MMP26: variants seen among roughly 807,000 people sequenced by gnomAD.
MMP26 encodes the protein matrix metallopeptidase 26, also known as matrix metalloproteinase-26.
MMP26 carries 33 observed loss-of-function variants against 31.0 expected under a neutral mutation model. The ratio of observed to expected loss-of-function variants is 1.06; its 90% CI spans 0.81 to 1.42. The LOEUF is 1.42. MMP26 is among the 40% of genes most tolerant of loss of function. The probability of loss-of-function intolerance (pLI) is 0.00; values close to 1 mark genes in which losing one functional copy is unlikely to be tolerated. For synonymous variants in MMP26, 122 were observed against 114.9 expected (o/e 1.06, Z -0.40); for missense variants, 347 against 316.1 (o/e 1.10, Z -0.74).
intron 2 of MMP26, among the ~76,000 whole-genome samples, chr11:4,970,824 A>T (rs981056650): frequency 1.3e-5 from 2 of 152,120 alleles, no homozygotes; most frequent in African/African-American, 4.8e-5. Flanking sequence ...AGTGGTGGTG[A>T]TATCAGCAAA....
At chr11:4,882,322 G>A in intron 2 of MMP26, 1 of 1,613,940 alleles carries the variant, frequency 6.2e-7, no homozygotes, top group Non-Finnish European at 8.5e-7. Flanking sequence ...TCACAGACAG[G>A]ATGGTCCTGG....
intron 2 of MMP26, among the ~76,000 whole-genome samples, chr11:4,883,092 T>C (rs1209766256): frequency 6.6e-6 from 1 of 152,168 alleles, no homozygotes; most frequent in Non-Finnish European, 1.5e-5. Flanking sequence ...CATATGTCCC[T>C]GAACCATTTT....
chr11:4,810,163 G>C (rs896597525), intron 2 of MMP26, among the ~76,000 whole-genome samples: 1 of 152,120 alleles, frequency 6.6e-6, no homozygotes, highest in African/African-American at 2.4e-5. Context: ...AGGAAGGCAG[G>C]GGATTTGAAT....
intron 2 of MMP26, chr11:4,848,309 A>G (rs1359579560): frequency 6.2e-7 from 1 of 1,614,016 alleles, no homozygotes; most frequent in Admixed American, 1.7e-5. Context: ...TCATCTTGAC[A>G]CTATAGAGAA....
chr11:4,983,076 T>C (rs1474235310), intron 2 of MMP26, among the ~76,000 whole-genome samples: 1 of 152,222 alleles, frequency 6.6e-6, no homozygotes, highest in East Asian at 1.9e-4. Flanking sequence ...AGGCTTTGTG[T>C]CTTAATAGCC....
chr11:4,973,751 C>T, intron 2 of MMP26: 1 of 162,660 alleles, frequency 6.1e-6, no homozygotes. Flanking sequence ...CAGAATGGTA[C>T]AATTCCCTAG....
chr11:4,981,490 C>T (rs1349023855), intron 2 of MMP26, among the ~76,000 whole-genome samples: 1 of 152,012 alleles, frequency 6.6e-6, no homozygotes. Flanking sequence ...AAAAACACAA[C>T]ATAAAAGATT....
chr11:4,894,105 A>T (rs1394686348), intron 2 of MMP26, among the ~76,000 whole-genome samples: 1 of 152,172 alleles, frequency 6.6e-6, no homozygotes, highest in African/African-American at 2.4e-5. Context: ...TTTACCCCCA[A>T]ATGCTAAGGT....
chr11:4,788,256 C>T (rs749244587), intron 2 of MMP26, among the ~76,000 whole-genome samples: 4 of 151,940 alleles, frequency 2.6e-5, no homozygotes, highest in Non-Finnish European at 5.9e-5. Context: ...CTGGGTATAA[C>T]AGACTCTTAG....
chr11:4,936,669 T>C (rs1316523536), intron 2 of MMP26, among the ~76,000 whole-genome samples: 1 of 152,132 alleles, frequency 6.6e-6, no homozygotes, highest in African/African-American at 2.4e-5. Flanking sequence ...AAAATATAAA[T>C]GCAGAAAAGG....
At chr11:4,871,025 G>A (rs1336575270) in intron 2 of MMP26, among the ~76,000 whole-genome samples, 1 of 152,000 alleles carries the variant, frequency 6.6e-6, no homozygotes, top group Non-Finnish European at 1.5e-5. Context: ...ATAATAAAGA[G>A]TATAAATTAA....
chr11:4,965,735 T>A (rs1210241767), intron 2 of MMP26, among the ~76,000 whole-genome samples: 3 of 152,158 alleles, frequency 2.0e-5, no homozygotes, highest in Non-Finnish European at 4.4e-5. Flanking sequence ...TCCGTAAGTT[T>A]TATTGGTTAA....
chr11:4,813,502 C>T (rs966687620), intron 2 of MMP26, among the ~76,000 whole-genome samples: 1 of 152,062 alleles, frequency 6.6e-6, no homozygotes, highest in African/African-American at 2.4e-5. Context: ...GCTAGGATTA[C>T]AGGCAGGAGC....
chr11:4,705,451 A>G (rs1847762770), intron 1 of MMP26, among the ~76,000 whole-genome samples: 1 of 152,148 alleles, frequency 6.6e-6, no homozygotes, highest in Non-Finnish European at 1.5e-5. Flanking sequence ...GGGAGTTATT[A>G]ATACCCAATA....
chr11:4,836,276 T>C (rs1260646511), intron 2 of MMP26, among the ~76,000 whole-genome samples: 2 of 151,994 alleles, frequency 1.3e-5, no homozygotes, highest in South Asian at 2.1e-4. Flanking sequence ...TGCATACACC[T>C]ACACAACCTA....
At chr11:4,898,603 A>C (rs1042051541) in intron 2 of MMP26, among the ~76,000 whole-genome samples, 9 of 152,102 alleles carry the variant, frequency 5.9e-5, no homozygotes, top group African/African-American at 2.2e-4. Flanking sequence ...GGAATGTTGA[A>C]TCTCTGGGTT....
chr11:4,848,133 A>G, intron 2 of MMP26: 1 of 1,213,958 alleles, frequency 8.2e-7, no homozygotes, highest in Non-Finnish European at 1.2e-6. Flanking sequence ...ACATATATGC[A>G]CTTATGTGTA....
intron 2 of MMP26, chr11:4,915,410 G>A (rs763715437): frequency 1.9e-6 from 3 of 1,614,078 alleles, no homozygotes; most frequent in Admixed American, 1.7e-5. Flanking sequence ...GCCCAGGACT[G>A]TAGGGAGAGT....
At chr11:4,758,035 C>A (rs1047297033) in intron 1 of MMP26, among the ~76,000 whole-genome samples, 1 of 152,130 alleles carries the variant, frequency 6.6e-6, no homozygotes, top group African/African-American at 2.4e-5. Flanking sequence ...AGCATATGTA[C>A]ACACAATACA....
Sources: gnomAD v4.1 joint callset for allele counts (sites outside exome capture counted in the v4.1 genomes callset) on GRCh38, gnomAD v4.1.1 for gene constraint, MANE v1.5 for transcripts, NCBI Gene and HGNC (gene_info 2026-07-23, HGNC 2026-07-21) for gene names.